RNMT: variants seen among roughly 807,000 people sequenced by gnomAD.
The protein encoded by RNMT is mRNA cap guanine-N(7) methyltransferase.
In RNMT, 27 loss-of-function variants were observed where a neutral mutation model predicts 56.0. The observed-to-expected ratio is 0.48, with a 90% CI of 0.36 to 0.67. RNMT has a LOEUF of 0.67. Among genes scored for constraint, RNMT ranks in the 30% least tolerant of loss-of-function variants. The pLI is 0.00. For missense variants in RNMT, 519 were observed against 552.1 expected, an observed-to-expected ratio of 0.94 and a Z score of 0.60; for synonymous variants, 184 against 176.2, an observed-to-expected ratio of 1.04 and a Z score of -0.35.
chr18:13,733,952 C>T (rs2044116668), intron 3 of RNMT, among the ~76,000 whole-genome samples: 1 of 152,202 alleles, frequency 6.6e-6, no homozygotes, highest in Non-Finnish European at 1.5e-5. Context: ...CTACCCAGAT[C>T]TCATCTTGAA....
intron 3 of RNMT, 27 bp downstream of exon 3, chr18:13,731,961 C>T: frequency 3.3e-6 from 5 of 1,533,770 alleles, no homozygotes; most frequent in Non-Finnish European, 4.4e-6. Context: ...TTCATTTATT[C>T]ATAATAGAAT....
rs145049763 is a variant in RNMT at position 13,761,105 on chromosome 18, G to A, written c.*1126G>A. ...ATGATTTACAAAAACATTACTTTCTGTAATTCACAATACTTGTTTTAAAAA... is the reference window on the plus strand; with the variant it reads ...ATGATTTACAAAAACATTACTTTCTATAATTCACAATACTTGTTTTAAAAA... On this transcript the variant is annotated 3_prime_UTR_variant, in exon 12 of 12. Transcript: ENST00000383314. The A allele has an allele frequency of 1.4e-4, 134 of 985,028 alleles. 1 individual carries two copies. In the African/African-American group the frequency reaches 2.1e-3, roughly 16 times the overall value. The allele number at this position is 985,028 out of a possible 1,614,324, so 61.0% of individuals were successfully genotyped here. A position where few individuals can be genotyped will look rare whatever the true frequency, so the allele number is the denominator to read the frequency against.
rs761503066 is a variant in RNMT, at chr18:13,742,466, G to T, written c.975-22G>T. The T allele has an allele frequency of 1.9e-6, 3 of 1,605,804 alleles. No individual in the cohort carries two copies. In the South Asian group the frequency reaches 3.3e-5, roughly 18 times the overall value. Reference sequence around the variant, plus strand: ...ATCACAATTTTAATCTTTTTATTTTGGTTGGGGGATAACCTTGATAGAAGA... The same window carrying T: ...ATCACAATTTTAATCTTTTTATTTTTGTTGGGGGATAACCTTGATAGAAGA... On this transcript the variant is annotated intron_variant, in intron 7 of 11. Coordinates refer to ENST00000383314, the MANE Select transcript of RNMT (RefSeq NM_003799.3).
chr18:13,750,751 A>C (rs1288385129), intron 9 of RNMT, among the ~76,000 whole-genome samples: 1 of 151,956 alleles, frequency 6.6e-6, no homozygotes, highest in Non-Finnish European at 1.5e-5. Flanking sequence ...CAGTGAATGG[A>C]GATCCTGCCA....
Position 13,762,233 on chromosome 18 carries a change from C to T in RNMT, c.*2254C>T, listed in dbSNP as rs1004302498. 3 of 1,406,040 alleles carry T rather than the reference C, an allele frequency of 2.1e-6. No homozygotes were observed. The highest frequency in any genetic ancestry group is 2.5e-5 in the East Asian group (1 of 39,772). The allele number at this position is 1,406,040 out of a possible 1,614,324, so 87.1% of individuals were successfully genotyped here. A position where few individuals can be genotyped will look rare whatever the true frequency, so the allele number is the denominator to read the frequency against. On this transcript the variant is annotated 3_prime_UTR_variant, in exon 12 of 12. Coordinates refer to ENST00000383314, the MANE Select transcript of RNMT (RefSeq NM_003799.3). ...GGAACTGGGGATTGCGATGATTGAT[C>T]TGGGAACATGGCTGGATTGTGATTT...
At chr18:13,730,209 C>T (rs1339386797) in intron 1 of RNMT, among the ~76,000 whole-genome samples, 1 of 152,212 alleles carries the variant, frequency 6.6e-6, no homozygotes, top group Non-Finnish European at 1.5e-5. Context: ...AAATGAACCA[C>T]CATAATTCTT....
intron 1 of RNMT, among the ~76,000 whole-genome samples, chr18:13,727,128 C>T (rs955464255): frequency 1.4e-4 from 22 of 152,214 alleles, no homozygotes; most frequent in Non-Finnish European, 1.9e-4. Context: ...GGAGAAGTCC[C>T]TTCTCGCCTC....
chr18:13,740,401 G>C lies in RNMT; in HGVS notation c.792+122G>C, dbSNP rs2044233614. 6.6e-6 allele frequency: 4 copies of C among 606,896 alleles called. No individual in the cohort carries two copies. In the South Asian group the frequency reaches 8.1e-5, roughly 12 times the overall value. 37.6% of individuals were successfully genotyped at this position (606,896 alleles called of 1,614,324 possible). On this transcript the variant is annotated intron_variant, in intron 6 of 11. Coordinates refer to ENST00000383314, the MANE Select transcript of RNMT (RefSeq NM_003799.3). ...AATTTACTCTTATTTTTTGAGACAGGGTCTTACTCTGTCACCTAGGCTGGA... is the reference window on the plus strand; with the variant it reads ...AATTTACTCTTATTTTTTGAGACAGCGTCTTACTCTGTCACCTAGGCTGGA...
chr18:13,732,425 A>G, intron 3 of RNMT, among the ~76,000 whole-genome samples: 1 of 152,178 alleles, frequency 6.6e-6, no homozygotes, highest in East Asian at 1.9e-4. Flanking sequence ...TAACTTTTAA[A>G]ATTATACCTA....
At chr18:13,732,288 T>G (rs750609374) in intron 3 of RNMT, among the ~76,000 whole-genome samples, 2 of 152,122 alleles carry the variant, frequency 1.3e-5, no homozygotes, top group Non-Finnish European at 2.9e-5. Flanking sequence ...CACAACCTCC[T>G]GGGCATAAGC....
At chr18:13,732,006 A>T in intron 3 of RNMT, 72 bp downstream of exon 3, 1 of 1,246,374 alleles carries the variant, frequency 8.0e-7, no homozygotes, top group Non-Finnish European at 1.1e-6. Context: ...CCGTGGATTC[A>T]TACTGGTTTT....
At chr18:13,753,483 A>G (rs2044486633) in intron 10 of RNMT, among the ~76,000 whole-genome samples, 1 of 150,520 alleles carries the variant, frequency 6.6e-6, no homozygotes, top group African/African-American at 2.5e-5. Context: ...GAAAGAATAC[A>G]AGATAGGCCG....
rs753507842 is a variant in RNMT, at chr18:13,741,655, A to G, written c.938A>G (p.Tyr313Cys). 27 of 1,613,514 alleles carry G rather than the reference A, an allele frequency of 1.7e-5. No individual in the cohort carries two copies. The highest frequency in any genetic ancestry group is 9.9e-5 in the South Asian group (9 of 90,974). Reference protein sequence around the residue: ...NACERLSPGGYFIGTTPNSFE... With the variant: ...NACERLSPGGCFIGTTPNSFE... ...TGTGAGAGACTTAGCCCTGGGGGCT[A>G]TTTTATTGGTACTACTCCCAATAGC... The change falls in exon 7 of 12, where the codon TAT (tyrosine) becomes TGT (cysteine). Residue 313 changes from tyrosine (Y) to cysteine (C), a missense_variant. Coordinates refer to ENST00000383314, the MANE Select transcript of RNMT (RefSeq NM_003799.3).
At chr18:13,732,017 T>C in intron 3 of RNMT, 83 bp downstream of exon 3, 1 of 1,093,368 alleles carries the variant, frequency 9.1e-7, no homozygotes, top group Non-Finnish European at 1.3e-6. Flanking sequence ...TACTGGTTTT[T>C]ACATAATAGC....
rs952796624 is a variant in RNMT at position 13,763,599 on chromosome 18, T to G, written c.*3620T>G. On this transcript the variant is annotated 3_prime_UTR_variant, in exon 12 of 12. Coordinates refer to ENST00000383314, the MANE Select transcript of RNMT (RefSeq NM_003799.3). ...AGCCTCCTACCTAAGTCAGTCACTTTGCTAAATTCTTCACCTGTGGTAACT... is the reference window on the plus strand; with the variant it reads ...AGCCTCCTACCTAAGTCAGTCACTTGGCTAAATTCTTCACCTGTGGTAACT... The G allele has an allele frequency of 6.4e-6, 1 of 155,062 alleles. No homozygotes were observed. 9.6% of individuals were successfully genotyped at this position (155,062 alleles called of 1,614,324 possible).
rs1568518985 is a variant in RNMT, at chr18:13,762,138, C to G, written c.*2159C>G. 3.3e-6 allele frequency: 5 copies of G among 1,535,228 alleles called. No homozygotes were observed. The highest frequency in any genetic ancestry group is 3.9e-5 in the Admixed American group (2 of 50,880). Reference sequence around the variant, plus strand: ...TCAGTGAAGTGGGGCACTCCCAGACCTGCCATGCAGTTTATCCTCTGAGAA... The same window carrying G: ...TCAGTGAAGTGGGGCACTCCCAGACGTGCCATGCAGTTTATCCTCTGAGAA... On this transcript the variant is annotated 3_prime_UTR_variant, in exon 12 of 12. Coordinates refer to ENST00000383314, the MANE Select transcript of RNMT (RefSeq NM_003799.3).
intron 5 of RNMT, among the ~76,000 whole-genome samples, chr18:13,739,418 T>A (rs2044216647): frequency 6.6e-6 from 1 of 152,240 alleles, no homozygotes; most frequent in South Asian, 2.1e-4. Context: ...CCAGTACCAT[T>A]TAGTGCTGCT....
chr18:13,754,041 A>G, intron 10 of RNMT, 73 bp from the exon 11 acceptor site: 1 of 814,862 alleles, frequency 1.2e-6, no homozygotes, highest in Non-Finnish European at 2.0e-6. Context: ...ATCTCTGCCC[A>G]TTATTTAGAA....
Position 13,762,629 on chromosome 18 carries a change from G to C in RNMT, c.*2650G>C, listed in dbSNP as rs2044634222. On this transcript the variant is annotated 3_prime_UTR_variant, in exon 12 of 12. Coordinates refer to ENST00000383314, the MANE Select transcript of RNMT (RefSeq NM_003799.3). ...CAGCCTGCTCCCCCATCCACACTTG[G>C]AAATTGAGGGAGCATGACCGCTCTC... is the stretch of plus-strand genomic sequence containing the variant. The C allele has an allele frequency of 5.2e-6, 1 of 192,466 alleles. No individual in the cohort carries two copies. Among genetic ancestry groups the C allele is most frequent in the African/African-American group, 2.4e-5 (1 of 42,282 alleles). 11.9% of individuals were successfully genotyped at this position (192,466 alleles called of 1,614,324 possible).
Sources: gnomAD v4.1 joint callset for allele counts (sites outside exome capture counted in the v4.1 genomes callset) on GRCh38, gnomAD v4.1.1 for gene constraint, MANE v1.5 for transcripts, NCBI Gene and HGNC (gene_info 2026-07-23, HGNC 2026-07-21) for gene names.